PLSCR2: variants seen among roughly 807,000 people sequenced by gnomAD.
The protein encoded by PLSCR2 is phospholipid scramblase 2.
Under a neutral mutation model 25.3 loss-of-function variants are expected in PLSCR2, and 18 were observed. That is an observed-to-expected ratio of 0.71 (90% CI 0.49 to 1.06). The LOEUF (loss-of-function observed/expected upper bound fraction) is 1.06. Among genes scored for constraint, PLSCR2 ranks in the 50% least tolerant of loss-of-function variants. The probability of loss-of-function intolerance (pLI) is 0.00; values close to 1 mark genes in which losing one functional copy is unlikely to be tolerated. For synonymous variants in PLSCR2, 88 were observed against 87.3 expected (o/e 1.01, Z -0.04); for missense variants, 243 against 269.5 (o/e 0.90, Z 0.69).
At chr3:146,399,734 CT>C (rs949480138) in intron 2 of PLSCR2, among the ~76,000 whole-genome samples, 54 of 149,914 alleles carry the variant, frequency 3.6e-4, no homozygotes, top group African/African-American at 9.8e-4. Flanking sequence ...CTCTCTCTCT[CT>C]TTTTTTTTCT....
chr3:146,428,608 C>T (rs1416069153), downstream of PLSCR2, among the ~76,000 whole-genome samples: 1 of 152,124 alleles, frequency 6.6e-6, no homozygotes, highest in Non-Finnish European at 1.5e-5. Flanking sequence ...TGAGTTCAAA[C>T]CCTATATTGT....
intron 2 of PLSCR2, among the ~76,000 whole-genome samples, chr3:146,426,043 G>T (rs1453671322): frequency 1.3e-5 from 2 of 152,126 alleles, no homozygotes; most frequent in Admixed American, 6.6e-5. Flanking sequence ...TGAAATTGTT[G>T]TCATAATGAT....
At chr3:146,475,408 T>G (rs1164045796) in intron 1 of PLSCR2, among the ~76,000 whole-genome samples, 1 of 152,094 alleles carries the variant, frequency 6.6e-6, no homozygotes, top group African/African-American at 2.4e-5. Context: ...CTGCTGCAGT[T>G]TTCTGGGGGT....
intron 1 of PLSCR2, among the ~76,000 whole-genome samples, chr3:146,472,617 AT>A (rs72279847): frequency 0.07 from 10,570 of 151,242 alleles, 438 homozygotes; most frequent in Admixed American, 0.1. Flanking sequence ...TCTTTCTTTC[AT>A]TTTTTTTTAA....
chr3:146,413,001 G>A lies in PLSCR2; in HGVS notation c.101-17080C>T, dbSNP rs1368457764. ...GAGGCAAGGGGGTGAAGAGAACCAG[G>A]AAGTTAAACTTTAAAATGGAGAACA... On this transcript the variant is annotated intron_variant and NMD_transcript_variant, in intron 2 of 3. Transcript: ENST00000463633. 3.3e-5 allele frequency among the ~76,000 whole-genome samples: 5 copies of A among 152,278 alleles called. No homozygotes were observed. In the East Asian group the frequency reaches 7.7e-4, roughly 24 times the overall value.
At chr3:146,482,008 A>G (rs1243893366) in intron 1 of PLSCR2, among the ~76,000 whole-genome samples, 2 of 152,236 alleles carry the variant, frequency 1.3e-5, no homozygotes, top group Non-Finnish European at 2.9e-5. Context: ...TGGTGCTTGG[A>G]AAACTGGCTA....
downstream of PLSCR2, among the ~76,000 whole-genome samples, chr3:146,440,472 T>C (rs57028178): frequency 0.079 from 11,991 of 152,272 alleles, 598 homozygotes; most frequent in African/African-American, 0.13. Context: ...GCCTCAGCAA[T>C]GGCAGACGCC....
chr3:146,454,015 C>A, exon 5 of PLSCR2: 2 of 1,574,566 alleles, frequency 1.3e-6, no homozygotes, highest in Non-Finnish European at 8.6e-7. Flanking sequence ...AAAATCAACA[C>A]CCGCAATACA....
intron 1 of PLSCR2, among the ~76,000 whole-genome samples, chr3:146,483,440 TA>T: frequency 1.5e-5 from 1 of 65,112 alleles, no homozygotes; most frequent in South Asian, 5.7e-4. Flanking sequence ...TATATATATA[TA>T]TACACATGTA....
At chr3:146,434,899 C>T (rs2039743641) in intron 8 of PLSCR2, among the ~76,000 whole-genome samples, 1 of 151,352 alleles carries the variant, frequency 6.6e-6, no homozygotes, top group Non-Finnish European at 1.5e-5. Flanking sequence ...TTAGGTACAT[C>T]CCCTAATGCT....
At chr3:146,455,859 T>C (rs2041188482) in intron 3 of PLSCR2, among the ~76,000 whole-genome samples, 1 of 152,142 alleles carries the variant, frequency 6.6e-6, no homozygotes. Flanking sequence ...TTGCAAAAAA[T>C]ACTATATTAA....
At chr3:146,460,679 G>A (rs1167240880), upstream of PLSCR2, among the ~76,000 whole-genome samples, 2 of 152,084 alleles carry the variant, frequency 1.3e-5, no homozygotes, top group Admixed American at 6.6e-5. Flanking sequence ...TAGAAGCCAG[G>A]GATGCCGCTA....
chr3:146,487,223 A>G (rs2043378291), intron 1 of PLSCR2, among the ~76,000 whole-genome samples: 1 of 152,134 alleles, frequency 6.6e-6, no homozygotes, highest in Non-Finnish European at 1.5e-5. Flanking sequence ...TGAATGGGCA[A>G]CAGCTGGAAG....
At chr3:146,494,857 C>T (rs945992025) in intron 1 of PLSCR2, 7 of 152,154 alleles carry the variant, frequency 4.6e-5, no homozygotes, top group East Asian at 1.9e-4. Flanking sequence ...AGGTCTCATA[C>T]TTATGAAACA....
chr3:146,430,358 G>T (rs574641137), downstream of PLSCR2, among the ~76,000 whole-genome samples: 2 of 152,212 alleles, frequency 1.3e-5, no homozygotes, highest in South Asian at 4.1e-4. Context: ...AAGAGATAGG[G>T]CCAGGTGCAG....
chr3:146,482,508 A>T (rs1262414957), intron 1 of PLSCR2, among the ~76,000 whole-genome samples: 2 of 152,214 alleles, frequency 1.3e-5, no homozygotes, highest in Admixed American at 6.5e-5. Flanking sequence ...GAGAAATGCA[A>T]ATCAAAACCA....
chr3:146,470,109 A>G (rs1437170059), intron 1 of PLSCR2, among the ~76,000 whole-genome samples: 1 of 152,070 alleles, frequency 6.6e-6, no homozygotes, highest in South Asian at 2.1e-4. Flanking sequence ...TTTTCTTTCC[A>G]ACAAAAGGCA....
At chr3:146,465,159 T>C (rs1428762374), upstream of PLSCR2, among the ~76,000 whole-genome samples, 1 of 152,176 alleles carries the variant, frequency 6.6e-6, no homozygotes, top group African/African-American at 2.4e-5. Context: ...TAATCTACCG[T>C]TAACTAATCC....
At position 146,473,153 on chromosome 3, in the gene PLSCR2, CT is replaced by C. The variant is rs200340727; in HGVS notation, c.-292-12870del. ...CTTGCAAAATGATTTGCCACATCTG[CT>C]TTTTTTCATATTCTCAAATTTGTTG... On this transcript the variant is annotated intron_variant, in intron 1 of 8. Coordinates refer to the PLSCR2 transcript ENST00000336685. Among the ~76,000 whole-genome samples, 108 of 152,182 alleles carry C rather than the reference CT, an allele frequency of 7.1e-4. 1 individual carries two copies. The East Asian group carries it at 0.018, about 25-fold the overall frequency.
Sources: allele counts gnomAD v4.1 joint callset (sites outside exome capture counted in the v4.1 genomes callset), GRCh38; gene constraint gnomAD v4.1.1; transcripts MANE v1.5; gene names NCBI Gene and HGNC (gene_info 2026-07-23, HGNC 2026-07-21).